Variants in SLC25A13 observed in about 807,000 individuals in gnomAD.
SLC25A13 encodes the protein electrogenic aspartate/glutamate antiporter SLC25A13, mitochondrial.
SLC25A13 carries 70 observed loss-of-function variants against 85.5 expected under a neutral mutation model. That is an observed-to-expected ratio of 0.82 (90% CI 0.68 to 1.00). The LOEUF (loss-of-function observed/expected upper bound fraction) is 1.00, where lower values mean the gene tolerates loss of function less well. Among genes scored for constraint, SLC25A13 ranks in the 50% least tolerant of loss-of-function variants. SLC25A13 has a pLI of 0.00. For synonymous variants in SLC25A13, 259 were observed against 288.7 expected (o/e 0.90, Z 1.04); for missense variants, 765 against 819.8 (o/e 0.93, Z 0.82).
At chr7:96,139,110 T>C (rs1457201716) in intron 14 of SLC25A13, among the ~76,000 whole-genome samples, 2 of 152,228 alleles carry the variant, frequency 1.3e-5, no homozygotes, top group Non-Finnish European at 2.9e-5. Context: ...CTGTATGCTT[T>C]ACATGCATTA....
intron 3 of SLC25A13, among the ~76,000 whole-genome samples, chr7:96,256,762 A>G (rs538051705): frequency 8.0e-4 from 122 of 152,328 alleles, no homozygotes; most frequent in Non-Finnish European, 9.7e-4. Flanking sequence ...TCAAAAGAAT[A>G]TACCTTCTTC....
intron 14 of SLC25A13, among the ~76,000 whole-genome samples, chr7:96,135,631 T>C (rs1432275464): frequency 6.6e-6 from 1 of 152,204 alleles, no homozygotes; most frequent in Non-Finnish European, 1.5e-5. Flanking sequence ...CTGTTTGACT[T>C]GAATTCTACT....
intron 1 of SLC25A13, among the ~76,000 whole-genome samples, chr7:96,308,149 A>G (rs1397727145): frequency 1.4e-5 from 2 of 146,034 alleles, no homozygotes; most frequent in Admixed American, 1.4e-4. Context: ...GCGAAACTCC[A>G]TCTCCAAAAA....
chr7:96,253,803 T>C (rs200709904), intron 3 of SLC25A13, among the ~76,000 whole-genome samples: 1 of 152,186 alleles, frequency 6.6e-6, no homozygotes, highest in East Asian at 1.9e-4. Flanking sequence ...TAAAATGGTT[T>C]GGGAAAAGAT....
chr7:96,190,971 G>T, intron 7 of SLC25A13, 138 bp downstream of exon 7: 1 of 1,105,300 alleles, frequency 9.0e-7, no homozygotes, highest in Non-Finnish European at 1.4e-6. Context: ...CTGATCAAAG[G>T]ATGAAAAACA....
At chr7:96,188,455 G>A (rs955886390) in intron 9 of SLC25A13, among the ~76,000 whole-genome samples, 2 of 152,172 alleles carry the variant, frequency 1.3e-5, no homozygotes, top group African/African-American at 2.4e-5. Flanking sequence ...TCACACTGGC[G>A]TCTCTGTACA....
intron 14 of SLC25A13, among the ~76,000 whole-genome samples, chr7:96,132,569 C>A (rs1449166665): frequency 6.6e-6 from 1 of 152,174 alleles, no homozygotes; most frequent in Admixed American, 6.5e-5. Flanking sequence ...CAAATAGTTT[C>A]TGTTGCCAAC....
At chr7:96,283,117 G>A (rs1399839403) in intron 2 of SLC25A13, among the ~76,000 whole-genome samples, 1 of 152,108 alleles carries the variant, frequency 6.6e-6, no homozygotes, top group African/African-American at 2.4e-5. Flanking sequence ...CCACTTCTAG[G>A]AATTTATCCT....
chr7:96,283,818 TTAAAAAAAA>T (rs1299934914), intron 2 of SLC25A13: 7 of 86,966 alleles, frequency 8.0e-5, no homozygotes, highest in South Asian at 3.4e-4. Flanking sequence ...AAATAGGTGT[TTAAAAAAAA>T]AAAAAAAAAA....
chr7:96,266,301 C>A (rs1469139770), intron 3 of SLC25A13, among the ~76,000 whole-genome samples: 1 of 152,168 alleles, frequency 6.6e-6, no homozygotes, highest in Non-Finnish European at 1.5e-5. Flanking sequence ...CATGCTCTTA[C>A]AAGAGGCCAA....
intron 2 of SLC25A13, among the ~76,000 whole-genome samples, chr7:96,283,079 G>A (rs1268420924): frequency 6.6e-6 from 1 of 152,130 alleles, no homozygotes; most frequent in Non-Finnish European, 1.5e-5. Flanking sequence ...GCCTTAATAT[G>A]TTCTAAACCC....
At chr7:96,176,404 T>C (rs778565969) in intron 11 of SLC25A13, among the ~76,000 whole-genome samples, 5 of 152,200 alleles carry the variant, frequency 3.3e-5, no homozygotes, top group Non-Finnish European at 7.3e-5. Flanking sequence ...AATTTATTAG[T>C]GTGGTTAGTT....
intron 11 of SLC25A13, among the ~76,000 whole-genome samples, chr7:96,179,331 T>C (rs1054727891): frequency 1.3e-5 from 2 of 152,220 alleles, no homozygotes; most frequent in Admixed American, 1.3e-4. Flanking sequence ...TTATAAATTA[T>C]CATTTTTGAG....
chr7:96,308,483 C>T (rs1037256753), intron 1 of SLC25A13, among the ~76,000 whole-genome samples: 7 of 152,184 alleles, frequency 4.6e-5, no homozygotes, highest in Non-Finnish European at 8.8e-5. Flanking sequence ...TGAAGGGTCA[C>T]GAACTCCTGG....
intron 11 of SLC25A13, among the ~76,000 whole-genome samples, chr7:96,182,148 G>C (rs1347064312): frequency 6.6e-6 from 1 of 152,132 alleles, no homozygotes; most frequent in African/African-American, 2.4e-5. Context: ...AAACTAAAGA[G>C]AACTGATCCC....
Position 96,184,442 on chromosome 7 carries a change from T to G in SLC25A13, c.1019-7A>C. The G allele has an allele frequency of 6.2e-7, 1 of 1,613,516 alleles. No homozygotes were observed. Among genetic ancestry groups the G allele is most frequent in the Admixed American group, 1.7e-5 (1 of 59,976 alleles). ...ACAGCAGTGGCTCCAACAGCTAAAATTAAACAATATCATTATCTCAGAAGA... is the reference window on the plus strand; with the variant it reads ...ACAGCAGTGGCTCCAACAGCTAAAAGTAAACAATATCATTATCTCAGAAGA... On this transcript the variant is annotated splice_region_variant and splice_polypyrimidine_tract_variant and intron_variant, in intron 10 of 17. Transcript: ENST00000265631.
chr7:96,151,195 G>A (rs186633438), intron 13 of SLC25A13, among the ~76,000 whole-genome samples: 96 of 152,222 alleles, frequency 6.3e-4, no homozygotes, highest in Non-Finnish European at 1.0e-3. Flanking sequence ...TCTGCCAAGC[G>A]AAATTTTAAT....
intron 1 of SLC25A13, among the ~76,000 whole-genome samples, chr7:96,317,858 G>C (rs1178855268): frequency 2.0e-5 from 3 of 147,402 alleles, no homozygotes; most frequent in Non-Finnish European, 4.5e-5. Flanking sequence ...CTGGAGTACA[G>C]TGGTGCTATC....
At chr7:96,206,671 C>CA (rs1037490063) in intron 5 of SLC25A13, among the ~76,000 whole-genome samples, 7 of 152,142 alleles carry the variant, frequency 4.6e-5, no homozygotes, top group Admixed American at 3.3e-4. Flanking sequence ...GCTACAGAGG[C>CA]AAAATCATCC....
Sources: allele counts gnomAD v4.1 joint callset (sites outside exome capture counted in the v4.1 genomes callset), GRCh38; gene constraint gnomAD v4.1.1; transcripts MANE v1.5; gene names NCBI Gene and HGNC (gene_info 2026-07-23, HGNC 2026-07-21).